FAF1: variants seen among roughly 807,000 people sequenced by gnomAD.
FAF1 encodes the protein Fas associated factor 1, also known as FAS-associated factor 1.
A neutral mutation model predicts 92.5 loss-of-function variants in FAF1; 25 were observed. The observed-to-expected ratio is 0.27, with a 90% CI of 0.20 to 0.38. The LOEUF is 0.38. Among genes scored for constraint, FAF1 ranks in the 10% least tolerant of loss-of-function variants. The probability of loss-of-function intolerance (pLI) is 1.00; values close to 1 mark genes in which losing one functional copy is unlikely to be tolerated. For missense variants in FAF1, 636 were observed against 793.3 expected, an observed-to-expected ratio of 0.80 and a Z score of 2.38; for synonymous variants, 234 against 273.2, an observed-to-expected ratio of 0.86 and a Z score of 1.42.
chr1:50,443,875 T>C (rs908633662), intron 18 of FAF1, among the ~76,000 whole-genome samples: 2 of 152,090 alleles, frequency 1.3e-5, no homozygotes, highest in Admixed American at 1.3e-4. Flanking sequence ...AGGCTATCTT[T>C]CTTGTTTCTT....
intron 1 of FAF1, among the ~76,000 whole-genome samples, chr1:50,861,620 T>A (rs1404690128): frequency 6.6e-6 from 1 of 151,784 alleles, no homozygotes; most frequent in East Asian, 1.9e-4. Context: ...ATTCAGGTGA[T>A]AGGTACACTA....
At position 50,535,601 on chromosome 1, in the gene FAF1, T is replaced by C. The variant is rs964428055; in HGVS notation, c.1406-144A>G. 4 of 540,424 alleles carry C rather than the reference T, an allele frequency of 7.4e-6. No homozygotes were observed. In the Admixed American group the frequency reaches 1.3e-4, roughly 17 times the overall value. 33.5% of individuals were successfully genotyped at this position (540,424 alleles called of 1,614,324 possible). On this transcript the variant is annotated intron_variant, in intron 14 of 18. Transcript: ENST00000396153. ...AAAAAAATTACAGTTAAAATACTTTTGTGGTTTTATTGAAATGTTTCATAT... is the reference window on the plus strand; with the variant it reads ...AAAAAAATTACAGTTAAAATACTTTCGTGGTTTTATTGAAATGTTTCATAT...
intron 1 of FAF1, among the ~76,000 whole-genome samples, chr1:50,892,533 G>A (rs1181483262): frequency 6.6e-6 from 1 of 152,162 alleles, no homozygotes; most frequent in Admixed American, 6.5e-5. Flanking sequence ...TCTGCAGCCT[G>A]TAAGGTTTCC....
intron 13 of FAF1, among the ~76,000 whole-genome samples, chr1:50,544,960 G>A (rs1319721391): frequency 2.6e-5 from 4 of 152,216 alleles, no homozygotes; most frequent in South Asian, 4.1e-4. Flanking sequence ...AGTTGGAGCA[G>A]AGTGAAGCAT....
chr1:50,938,073 A>C (rs1645101638), intron 1 of FAF1, among the ~76,000 whole-genome samples: 1 of 152,218 alleles, frequency 6.6e-6, no homozygotes, highest in Non-Finnish European at 1.5e-5. Flanking sequence ...ATACTGACAA[A>C]ACTCCATGAT....
At chr1:50,748,599 G>A (rs557364946) in intron 4 of FAF1, among the ~76,000 whole-genome samples, 2 of 152,202 alleles carry the variant, frequency 1.3e-5, no homozygotes, top group South Asian at 2.1e-4. Context: ...TTTTCCCTGT[G>A]CCCCACAATT....
intron 8 of FAF1, among the ~76,000 whole-genome samples, chr1:50,617,619 G>A (rs1652982180): frequency 1.3e-5 from 2 of 151,148 alleles, no homozygotes; most frequent in South Asian, 4.2e-4. Context: ...TTTCTTTATG[G>A]TCTCTGCCAG....
At chr1:50,545,013 AACAC>A (rs1013217251) in intron 13 of FAF1, among the ~76,000 whole-genome samples, 2 of 151,812 alleles carry the variant, frequency 1.3e-5, no homozygotes, top group African/African-American at 2.4e-5. Context: ...TACATGGTAA[AACAC>A]ACACACACAC....
chr1:50,514,084 T>C (rs1647173512), intron 15 of FAF1, among the ~76,000 whole-genome samples: 3 of 152,338 alleles, frequency 2.0e-5, no homozygotes, highest in Admixed American at 1.3e-4. Flanking sequence ...AAAACAAATA[T>C]GGGTTTAGTT....
intron 17 of FAF1, among the ~76,000 whole-genome samples, chr1:50,490,386 AG>A (rs1468816097): frequency 6.5e-4 from 5 of 7,644 alleles, no homozygotes; most frequent in Admixed American, 1.7e-3. Context: ...TATCTCAAAA[AG>A]GAAGGAAGGA....
intron 1 of FAF1, among the ~76,000 whole-genome samples, chr1:50,955,359 C>A (rs748213087): frequency 1.3e-5 from 2 of 152,202 alleles, no homozygotes; most frequent in Admixed American, 1.3e-4. Flanking sequence ...CTTTACACCC[C>A]CTCCTGGCTC....
chr1:50,626,457 G>A (rs1412076305), intron 8 of FAF1, among the ~76,000 whole-genome samples: 1 of 152,096 alleles, frequency 6.6e-6, no homozygotes, highest in Admixed American at 6.6e-5. Flanking sequence ...AATTATACAG[G>A]ATATATCAGG....
intron 15 of FAF1, among the ~76,000 whole-genome samples, chr1:50,496,530 G>C (rs369362514): frequency 3.9e-5 from 6 of 152,196 alleles, no homozygotes; most frequent in African/African-American, 1.4e-4. Flanking sequence ...TATCCATCTT[G>C]ATAATCCAGA....
chr1:50,490,473 G>T (rs548697489), intron 17 of FAF1, 115 bp downstream of exon 17: 3 of 579,100 alleles, frequency 5.2e-6, no homozygotes, highest in South Asian at 3.8e-5. Context: ...AAAGAAAGAA[G>T]GAAGGAAGGA....
chr1:50,655,323 G>C (rs765864167), intron 8 of FAF1, 119 bp downstream of exon 8: 3 of 764,852 alleles, frequency 3.9e-6, no homozygotes, highest in Non-Finnish European at 7.0e-6. Context: ...TGCCTGGCTA[G>C]ATAATTCTTT....
Position 50,788,191 on chromosome 1 carries a change from TCACC to T in FAF1, c.172_175del (p.Gly58ArgfsTer29), listed in dbSNP as rs1661432836. ...ATTAAATGCAGGTCCTGGTATGGTC[TCACC>T]TCCATATTCACTAAAATGTTGACAT... On this transcript the variant is annotated frameshift_variant, in exon 4 of 19. Coordinates refer to ENST00000396153, the MANE Select transcript of FAF1 (RefSeq NM_007051.3). LOFTEE classifies it high-confidence loss of function. 16 of 1,613,512 alleles carry T rather than the reference TCACC, an allele frequency of 9.9e-6. No individual in the cohort carries two copies. The highest frequency in any genetic ancestry group is 1.3e-5 in the Non-Finnish European group (15 of 1,179,552).
chr1:50,782,711 A>G (rs1661223272), intron 4 of FAF1, among the ~76,000 whole-genome samples: 1 of 152,088 alleles, frequency 6.6e-6, no homozygotes, highest in Non-Finnish European at 1.5e-5. Flanking sequence ...TAAAATTTAT[A>G]AAGTAGAAAA....
Position 50,858,099 on chromosome 1 carries a change from T to C in FAF1, c.46-102A>G, listed in dbSNP as rs947713703. 4 of 746,058 alleles carry C rather than the reference T, an allele frequency of 5.4e-6. No individual in the cohort carries two copies. The East Asian group carries it at 1.2e-4, about 22-fold the overall frequency. 46.2% of individuals were successfully genotyped at this position (746,058 alleles called of 1,614,324 possible). A position where few individuals can be genotyped will look rare whatever the true frequency, so the allele number is the denominator to read the frequency against. ...GCATAATATGTAATTTAAATTCAAA[T>C]AGGTATATGAATAAAGCCAAAACAC... On this transcript the variant is annotated intron_variant, in intron 1 of 18. Coordinates refer to ENST00000396153, the MANE Select transcript of FAF1 (RefSeq NM_007051.3).
intron 7 of FAF1, among the ~76,000 whole-genome samples, chr1:50,656,340 C>T (rs1316719082): frequency 5.0e-5 from 7 of 139,632 alleles, no homozygotes; most frequent in African/African-American, 8.1e-5. Flanking sequence ...TCCCTACCAC[C>T]GACCAAAAAA....
Sources: gnomAD v4.1 joint callset for allele counts (sites outside exome capture counted in the v4.1 genomes callset) on GRCh38, gnomAD v4.1.1 for gene constraint, MANE v1.5 for transcripts, NCBI Gene and HGNC (gene_info 2026-07-23, HGNC 2026-07-21) for gene names.